Variants in RGS7BP observed in about 807,000 individuals in gnomAD.
The protein encoded by RGS7BP is regulator of G protein signaling 7-binding protein.
RGS7BP carries 9 observed loss-of-function variants against 31.3 expected under a neutral mutation model. The ratio of observed to expected loss-of-function variants is 0.29; its 90% CI spans 0.17 to 0.50. The LOEUF (loss-of-function observed/expected upper bound fraction) is 0.50, where lower values mean the gene tolerates loss of function less well. RGS7BP is among the 20% of genes least tolerant of loss of function. The pLI, the probability that RGS7BP is intolerant of heterozygous loss-of-function variation, is 0.98. For synonymous variants in RGS7BP, 115 were observed against 120.1 expected (o/e 0.96, Z 0.28); for missense variants, 274 against 322.0 (o/e 0.85, Z 1.14).
At chr5:64,593,511 A>G (rs183497771) in intron 3 of RGS7BP, among the ~76,000 whole-genome samples, 32 of 152,342 alleles carry the variant, frequency 2.1e-4, no homozygotes, top group African/African-American at 7.0e-4. Flanking sequence ...GGCTGTAACA[A>G]TTACTTAACA....
intron 2 of RGS7BP, among the ~76,000 whole-genome samples, chr5:64,568,767 G>C (rs1219838295): frequency 2.1e-5 from 3 of 144,846 alleles, no homozygotes; most frequent in Non-Finnish European, 3.0e-5. Context: ...GAAGGTCAGG[G>C]AACTGATGGT....
intron 3 of RGS7BP, among the ~76,000 whole-genome samples, chr5:64,580,983 G>T (rs1742582261): frequency 6.6e-6 from 1 of 152,118 alleles, no homozygotes; most frequent in Admixed American, 6.5e-5. Flanking sequence ...AGAGGCTGAG[G>T]CAGGAGGATC....
intron 2 of RGS7BP, among the ~76,000 whole-genome samples, chr5:64,550,687 A>G (rs927860782): frequency 2.6e-5 from 4 of 151,324 alleles, no homozygotes; most frequent in Admixed American, 2.6e-4. Flanking sequence ...CCATTAACTC[A>G]TCATTTAGCA....
intron 2 of RGS7BP, among the ~76,000 whole-genome samples, chr5:64,559,879 C>T (rs376156489): frequency 2.0e-5 from 3 of 152,180 alleles, no homozygotes; most frequent in South Asian, 4.1e-4. Context: ...ATAACTTGTC[C>T]ACTAAAAGTG....
chr5:64,547,138 T>A (rs182595135), intron 2 of RGS7BP, among the ~76,000 whole-genome samples: 3 of 152,364 alleles, frequency 2.0e-5, no homozygotes, highest in Admixed American at 6.5e-5. Flanking sequence ...ATTTTTCTAT[T>A]GAATGACATT....
At chr5:64,565,091 G>A (rs936305683) in intron 2 of RGS7BP, among the ~76,000 whole-genome samples, 5 of 152,096 alleles carry the variant, frequency 3.3e-5, no homozygotes, top group Non-Finnish European at 5.9e-5. Flanking sequence ...ACAAGCATCT[G>A]AATGCATTAA....
At chr5:64,601,096 T>C (rs1181592501) in intron 5 of RGS7BP, among the ~76,000 whole-genome samples, 1 of 152,240 alleles carries the variant, frequency 6.6e-6, no homozygotes, top group East Asian at 1.9e-4. Flanking sequence ...AGTTCTTTTC[T>C]GTAGGACCTT....
At chr5:64,521,488 C>G (rs945029450) in intron 2 of RGS7BP, among the ~76,000 whole-genome samples, 4 of 152,166 alleles carry the variant, frequency 2.6e-5, no homozygotes, top group African/African-American at 9.7e-5. Flanking sequence ...AACTCCTGAC[C>G]TCGGGTGATC....
chr5:64,568,306 A>G (rs1470977345), intron 2 of RGS7BP, among the ~76,000 whole-genome samples: 2 of 152,072 alleles, frequency 1.3e-5, no homozygotes, highest in African/African-American at 4.8e-5. Context: ...TTATAAGACT[A>G]AGACCTAAAG....
At chr5:64,553,742 T>C (rs1252629433) in intron 2 of RGS7BP, among the ~76,000 whole-genome samples, 1 of 152,166 alleles carries the variant, frequency 6.6e-6, no homozygotes, top group Non-Finnish European at 1.5e-5. Flanking sequence ...TTGAGTGAGA[T>C]AATGTATCTA....
At chr5:64,516,148 G>A (rs1415371201) in intron 2 of RGS7BP, among the ~76,000 whole-genome samples, 1 of 152,094 alleles carries the variant, frequency 6.6e-6, no homozygotes, top group Non-Finnish European at 1.5e-5. Context: ...GATACAATCA[G>A]GTTAACAAAA....
chr5:64,597,356 A>G (rs1743098454), intron 4 of RGS7BP, among the ~76,000 whole-genome samples: 1 of 151,976 alleles, frequency 6.6e-6, no homozygotes, highest in South Asian at 2.1e-4. Context: ...TGCTGAAGTC[A>G]GGAAGTGTGG....
chr5:64,516,726 C>T (rs1448310941), intron 2 of RGS7BP, among the ~76,000 whole-genome samples: 1 of 152,196 alleles, frequency 6.6e-6, no homozygotes, highest in Non-Finnish European at 1.5e-5. Flanking sequence ...ACCACTGCAT[C>T]TCCCAGGAGA....
At chr5:64,515,852 T>G (rs956867326) in intron 2 of RGS7BP, among the ~76,000 whole-genome samples, 2 of 151,456 alleles carry the variant, frequency 1.3e-5, no homozygotes, top group Non-Finnish European at 2.9e-5. Flanking sequence ...TTATTATTTA[T>G]TTTTAGAGAT....
chr5:64,609,195 C>A lies in RGS7BP; in HGVS notation c.717C>A (p.Pro239=). ...DSSLLNLTPY[P]LVRRRKRRFF... is the part of the protein sequence containing the mutation. ...GCCTTCTGAATCTAACTCCCTACCC[C>A]CTGGTGAGAAGACGGAAGAGAAGGT... The change falls in exon 6 of 6, where the codon CCC becomes CCA. Residue 239 remains proline, a synonymous_variant. Transcript: ENST00000334025. 1 of 1,611,686 alleles carries A rather than the reference C, an allele frequency of 6.2e-7. No homozygotes were observed. The highest frequency in any genetic ancestry group is 8.5e-7 in the Non-Finnish European group (1 of 1,178,122).
intron 2 of RGS7BP, among the ~76,000 whole-genome samples, chr5:64,532,764 G>GC (rs1161070832): frequency 6.6e-6 from 1 of 151,548 alleles, no homozygotes; most frequent in Non-Finnish European, 1.5e-5. Flanking sequence ...GGAGTCTGTT[G>GC]CCCCCACACA....
At position 64,609,547 on chromosome 5, in the gene RGS7BP, T is replaced by A. The variant is rs537634719; in HGVS notation, c.*295T>A. On this transcript the variant is annotated 3_prime_UTR_variant, in exon 6 of 6. Transcript: ENST00000334025. ...ATGACAGATGCAAGAATTATGATTT[T>A]TAAATTATTTAAAGGTTTTTTAAAT... 2 of 312,496 alleles carry A rather than the reference T, an allele frequency of 6.4e-6. No homozygotes were observed. The highest frequency in any genetic ancestry group is 1.2e-5 in the Non-Finnish European group (2 of 164,400). The allele number at this position is 312,496 out of a possible 1,614,324, so 19.4% of individuals were successfully genotyped here. A position where few individuals can be genotyped will look rare whatever the true frequency, so the allele number is the denominator to read the frequency against.
chr5:64,607,072 A>G (rs1743383159), intron 5 of RGS7BP, among the ~76,000 whole-genome samples: 1 of 152,076 alleles, frequency 6.6e-6, no homozygotes, highest in Admixed American at 6.6e-5. Context: ...ATCTAAATAT[A>G]TAACATAGTG....
intron 2 of RGS7BP, among the ~76,000 whole-genome samples, chr5:64,509,117 T>A (rs572009799): frequency 6.6e-6 from 1 of 152,096 alleles, no homozygotes; most frequent in South Asian, 2.1e-4. Flanking sequence ...AAGAAGTAAA[T>A]CCGGGAAATG....
Sources: allele counts gnomAD v4.1 joint callset (sites outside exome capture counted in the v4.1 genomes callset), GRCh38; gene constraint gnomAD v4.1.1; transcripts MANE v1.5; gene names NCBI Gene and HGNC (gene_info 2026-07-23, HGNC 2026-07-21).